Variants in AASS observed in about 807,000 individuals in gnomAD.
AASS encodes the protein alpha-aminoadipic semialdehyde synthase, mitochondrial.
AASS carries 86 observed loss-of-function variants against 105.4 expected under a neutral mutation model. The observed-to-expected ratio is 0.82, with a 90% CI of 0.69 to 0.98. The LOEUF is 0.98. Among genes scored for constraint, AASS ranks in the 50% least tolerant of loss-of-function variants. The pLI is 0.00. For missense variants in AASS, 1,048 were observed against 1,143.2 expected, an observed-to-expected ratio of 0.92 and a Z score of 1.20; for synonymous variants, 381 against 394.8, an observed-to-expected ratio of 0.96 and a Z score of 0.41.
rs1162275709 is a variant in AASS at position 122,078,802 on chromosome 7, G to A, written c.2485+60C>T. The A allele has an allele frequency of 6.0e-6, 9 of 1,496,016 alleles. No homozygotes were observed. In the Admixed American group the frequency reaches 1.2e-4, roughly 19 times the overall value. The allele number at this position is 1,496,016 out of a possible 1,614,324, so 92.7% of individuals were successfully genotyped here. A position where few individuals can be genotyped will look rare whatever the true frequency, so the allele number is the denominator to read the frequency against. On this transcript the variant is annotated intron_variant, in intron 22 of 23. Transcript: ENST00000417368. ...GGCCAACCCTCCAATACGATTATCT[G>A]CACTGACTCTATCTTATGATTCTTC...
intron 1 of AASS, among the ~76,000 whole-genome samples, chr7:122,136,854 A>G (rs548578698): frequency 1.4e-4 from 21 of 152,302 alleles, no homozygotes; most frequent in Admixed American, 1.1e-3. Context: ...ACTCAGTAAT[A>G]ATCCCTGCTC....
At chr7:122,143,309 C>T (rs979724641) in intron 1 of AASS, among the ~76,000 whole-genome samples, 11 of 152,052 alleles carry the variant, frequency 7.2e-5, no homozygotes, top group African/African-American at 2.7e-4. Context: ...AATTCATTCT[C>T]TCTCGCGCTC....
At chr7:122,141,658 C>CAAAAA (rs67469054) in intron 1 of AASS, among the ~76,000 whole-genome samples, 8 of 94,634 alleles carry the variant, frequency 8.5e-5, no homozygotes, top group African/African-American at 2.6e-4. Context: ...CCTAACCCTG[C>CAAAAA]AAAAAAAAAA....
At chr7:122,093,200 A>G (rs765702307) in intron 15 of AASS, 42 bp from the exon 16 acceptor site, 1 of 1,399,766 alleles carries the variant, frequency 7.1e-7, no homozygotes, top group Non-Finnish European at 1.0e-6. Flanking sequence ...CCCTTTTTCA[A>G]CTCTACTTTC....
chr7:122,136,878 C>G (rs186305958), intron 1 of AASS, among the ~76,000 whole-genome samples: 40 of 152,294 alleles, frequency 2.6e-4, no homozygotes, highest in African/African-American at 9.1e-4. Flanking sequence ...CTCCCACCAC[C>G]TTCTTTGTCT....
chr7:122,108,698 A>G (rs1165703836), intron 11 of AASS, among the ~76,000 whole-genome samples: 1 of 152,140 alleles, frequency 6.6e-6, no homozygotes, highest in Non-Finnish European at 1.5e-5. Flanking sequence ...CATATTTGAC[A>G]GACCCACAGC....
intron 2 of AASS, among the ~76,000 whole-genome samples, chr7:122,130,685 A>G (rs946113467): frequency 6.6e-6 from 1 of 152,018 alleles, no homozygotes; most frequent in South Asian, 2.1e-4. Context: ...GCAATTGAAC[A>G]AAAGATAAGT....
At chr7:122,143,517 A>G (rs1796496536) in intron 1 of AASS, among the ~76,000 whole-genome samples, 1 of 151,260 alleles carries the variant, frequency 6.6e-6, no homozygotes, top group Non-Finnish European at 1.5e-5. Flanking sequence ...ATAGTCCCGC[A>G]GGGGCTGAAG....
chr7:122,091,441 C>A (rs192500799), intron 18 of AASS, among the ~76,000 whole-genome samples: 34 of 152,164 alleles, frequency 2.2e-4, no homozygotes, highest in African/African-American at 7.7e-4. Context: ...CCAGTGTTTA[C>A]ATATATAGAG....
intron 1 of AASS, 76 bp downstream of exon 1, chr7:122,144,085 A>G (rs947355292): frequency 2.0e-5 from 3 of 151,964 alleles, no homozygotes; most frequent in African/African-American, 7.3e-5. Flanking sequence ...CCGGCCCGCT[A>G]TCTCCACCGC....
In AASS at chr7:122,118,385, A is replaced by C; in HGVS notation, c.609T>G (p.Tyr203Ter). The C allele has an allele frequency of 6.2e-7, 1 of 1,614,214 alleles. No individual in the cohort carries two copies. Among genetic ancestry groups the C allele is most frequent in the African/African-American group, 1.3e-5 (1 of 75,058 alleles). ...QAVQAVRDAG[Y>*]EISLGLMPKS... ...TAGGCATCAAACCCAAAGATATTTC[A>C]TAGCCAGCATCACGGACAGCTTGCA... Residue 203 changes from tyrosine to a stop codon, truncating the protein, a stop_gained, in exon 6 of 24, where the codon TAT becomes TAG. Coordinates refer to ENST00000417368, the MANE Select transcript of AASS (RefSeq NM_005763.4). LOFTEE classifies it high-confidence loss of function.
Position 122,116,941 on chromosome 7 carries a change from A to G in AASS, c.704T>C (p.Phe235Ser). Residue 235 changes from phenylalanine to serine, a missense_variant, in exon 7 of 24, where the codon TTT becomes TCT. Phe to Ser is a radical substitution (Grantham distance 155). Coordinates refer to ENST00000417368, the MANE Select transcript of AASS (RefSeq NM_005763.4). ...GNVSKGAQAI[F>S]NELPCEYVEP... ...CACATATTCACAAGGTAGCTCATTA[A>G]AGATTGCTTGGGCTCCCTACAAATA... 1 of 1,613,892 alleles carries G rather than the reference A, an allele frequency of 6.2e-7. No individual in the cohort carries two copies. Among genetic ancestry groups the G allele is most frequent in the Non-Finnish European group, 8.5e-7 (1 of 1,179,940 alleles).
At chr7:122,138,720 T>C (rs1193414580) in intron 1 of AASS, among the ~76,000 whole-genome samples, 1 of 152,126 alleles carries the variant, frequency 6.6e-6, no homozygotes, top group Non-Finnish European at 1.5e-5. Context: ...TTTGCTAACT[T>C]TGCAACAAAA....
chr7:122,101,478 A>AT (rs1353513556), intron 12 of AASS, 40 bp from the exon 13 acceptor site: 1 of 1,556,020 alleles, frequency 6.4e-7, no homozygotes, highest in Non-Finnish European at 8.9e-7. Context: ...TAGTATCCAC[A>AT]TTTTAGTCCT....
intron 15 of AASS, 63 bp downstream of exon 15, chr7:122,098,387 A>G: frequency 6.3e-7 from 1 of 1,593,958 alleles, no homozygotes; most frequent in Non-Finnish European, 8.6e-7. Context: ...AGTGAAAGAG[A>G]AAGAAAAATG....
At position 122,101,676 on chromosome 7, in the gene AASS, A is replaced by G; in HGVS notation, c.1283T>C (p.Leu428Ser). Reference sequence around the variant, plus strand: ...TTCAAGAGGCTGTGTCGCGTCTGATAATATCTGAAAGGAAAATGAGATTTG... The same window carrying G: ...TTCAAGAGGCTGTGTCGCGTCTGATGATATCTGAAAGGAAAATGAGATTTG... ...MLYPYVEEMI[L>S]SDATQPLESQ... The change falls in exon 12 of 24, where the codon TTA becomes TCA. Residue 428 changes from leucine (L) to serine (S), a missense_variant. Physicochemically the swap from Leu to Ser is moderately radical, Grantham distance 145 (BLOSUM62 -2). Coordinates refer to ENST00000417368, the MANE Select transcript of AASS (RefSeq NM_005763.4). The G allele has an allele frequency of 6.2e-7, 1 of 1,610,784 alleles. No individual in the cohort carries two copies. Among genetic ancestry groups the G allele is most frequent in the Non-Finnish European group, 8.5e-7 (1 of 1,177,642 alleles).
rs557924761 is a variant in AASS, at chr7:122,123,063, G to C, written c.472+3312C>G. Among the ~76,000 whole-genome samples the C allele has an allele frequency of 5.9e-5, 9 of 152,258 alleles. No individual in the cohort carries two copies. The East Asian group carries it at 1.2e-3, about 20-fold the overall frequency. ...TAAGTCTCTCCACTCTGGCTGATGG[G>C]ACAAACTCTGAGAACAGTTTTCCAT... is the stretch of plus-strand genomic sequence containing the variant. On this transcript the variant is annotated intron_variant, in intron 4 of 23. Transcript: ENST00000417368.
At chr7:122,092,060 AGT>A (rs547203908) in intron 17 of AASS, among the ~76,000 whole-genome samples, 44 of 152,128 alleles carry the variant, frequency 2.9e-4, no homozygotes, top group African/African-American at 9.6e-4. Flanking sequence ...CTGTAAAAAT[AGT>A]GACTAACATT....
At chr7:122,137,284 A>AT (rs1796188122) in intron 1 of AASS, among the ~76,000 whole-genome samples, 1 of 152,212 alleles carries the variant, frequency 6.6e-6, no homozygotes, top group Admixed American at 6.5e-5. Flanking sequence ...GCTTTTAAGC[A>AT]GAAGCAGGAT....
Sources: allele counts gnomAD v4.1 joint callset (sites outside exome capture counted in the v4.1 genomes callset), GRCh38; gene constraint gnomAD v4.1.1; transcripts MANE v1.5; gene names NCBI Gene and HGNC (gene_info 2026-07-23, HGNC 2026-07-21).